Variants in CPM observed in about 807,000 individuals in gnomAD.
CPM encodes the protein carboxypeptidase M.
Under a neutral mutation model 46.4 loss-of-function variants are expected in CPM, and 35 were observed. The observed-to-expected ratio is 0.75, with a 90% CI of 0.58 to 1.00. The LOEUF is 1.00. Among genes scored for constraint, CPM ranks in the 50% least tolerant of loss-of-function variants. The pLI is 0.00. For synonymous variants in CPM, 195 were observed against 195.3 expected (o/e 1.00, Z 0.01); for missense variants, 422 against 530.4 (o/e 0.80, Z 2.01).
In CPM at chr12:68,879,697, C is replaced by T. The variant is rs544291293; in HGVS notation, c.258+6095G>A. Among the ~76,000 whole-genome samples the T allele has an allele frequency of 6.6e-5, 10 of 152,214 alleles. No homozygotes were observed. In the East Asian group the frequency reaches 1.9e-3, roughly 29 times the overall value. On this transcript the variant is annotated intron_variant, in intron 3 of 8. Coordinates refer to ENST00000551568, the MANE Select transcript of CPM (RefSeq NM_198320.5). Reference sequence around the variant, plus strand: ...CCAATTCTTTAAGCACACAGTCATGCCTTGCTTCAATATTTCCATTAGGCA... The same window carrying T: ...CCAATTCTTTAAGCACACAGTCATGTCTTGCTTCAATATTTCCATTAGGCA...
intron 2 of CPM, among the ~76,000 whole-genome samples, chr12:68,888,268 A>T (rs1886518232): frequency 6.6e-6 from 1 of 152,238 alleles, no homozygotes; most frequent in African/African-American, 2.4e-5. Flanking sequence ...CTGACTTGAT[A>T]TGGATATCCA....
chr12:68,842,830 A>T (rs1188175928), intron 5 of CPM: 1 of 201,972 alleles, frequency 5.0e-6, no homozygotes, highest in East Asian at 7.7e-5. Flanking sequence ...ATTTTGGTTT[A>T]TTAGTGTCTT....
chr12:68,956,085 A>C (rs980612695), intron 1 of CPM, among the ~76,000 whole-genome samples: 2 of 152,146 alleles, frequency 1.3e-5, no homozygotes, highest in African/African-American at 4.8e-5. Flanking sequence ...CTGCAGGCCT[A>C]CACTGCTTTC....
intron 2 of CPM, among the ~76,000 whole-genome samples, chr12:68,931,763 A>AAAAAAAAGAAAGAAAG (rs1482981614): frequency 4.5e-5 from 6 of 132,536 alleles, no homozygotes; most frequent in African/African-American, 1.8e-4. Context: ...AAAAAAAAAA[A>AAAAAAAAGAAAGAAAG]AAAGAAAGAA....
intron 3 of CPM, among the ~76,000 whole-genome samples, chr12:68,874,395 C>T (rs966841000): frequency 1.3e-4 from 19 of 151,986 alleles, no homozygotes; most frequent in African/African-American, 4.1e-4. Flanking sequence ...GTGGGTGGAT[C>T]ACCCGAAGTC....
At chr12:68,962,002 C>G (rs1049227155) in intron 1 of CPM, among the ~76,000 whole-genome samples, 2 of 152,008 alleles carry the variant, frequency 1.3e-5, no homozygotes, top group Non-Finnish European at 1.5e-5. Flanking sequence ...AGGTCGAGAC[C>G]ATCCTGGCTA....
intron 2 of CPM, among the ~76,000 whole-genome samples, chr12:68,915,861 T>C (rs911645841): frequency 3.9e-5 from 6 of 152,244 alleles, no homozygotes; most frequent in African/African-American, 9.6e-5. Flanking sequence ...TCTTCATCTG[T>C]AAAATCTATT....
At chr12:68,922,686 T>C (rs991419434) in intron 2 of CPM, among the ~76,000 whole-genome samples, 11 of 151,752 alleles carry the variant, frequency 7.2e-5, no homozygotes, top group African/African-American at 2.7e-4. Context: ...AAGGTATGTA[T>C]GTGAAAGGTC....
chr12:68,886,816 T>C, intron 2 of CPM, among the ~76,000 whole-genome samples: 1 of 152,056 alleles, frequency 6.6e-6, no homozygotes, highest in East Asian at 1.9e-4. Flanking sequence ...AGCGTCTAAG[T>C]CTTAGCTCTG....
chr12:68,932,771 G>A lies in CPM; in HGVS notation c.67C>T (p.His23Tyr). Reference protein sequence around the residue: ...PLVAALDFNYHRQEGMEAFLK... With the variant: ...PLVAALDFNYYRQEGMEAFLK... Reference sequence around the variant, plus strand: ...AACGCTTCCATCCCTTCCTGGCGGTGGTAGTTGAAATCCAGCGCAGCTACC... The same window carrying A: ...AACGCTTCCATCCCTTCCTGGCGGTAGTAGTTGAAATCCAGCGCAGCTACC... The change falls in exon 2 of 9, where the codon CAC becomes TAC. Residue 23 changes from histidine to tyrosine, a missense_variant. Transcript: ENST00000551568. 6.2e-7 allele frequency: 1 copy of A among 1,614,184 alleles called. No individual in the cohort carries two copies. The highest frequency in any genetic ancestry group is 8.5e-7 in the Non-Finnish European group (1 of 1,180,016).
downstream of CPM, chr12:68,848,729 G>C (rs1884497871): frequency 6.6e-6 from 1 of 151,780 alleles, no homozygotes; most frequent in Non-Finnish European, 1.5e-5. Flanking sequence ...GTTTTTTTGG[G>C]GGGGACGAAG....
At chr12:68,930,011 G>T (rs1888435109) in intron 2 of CPM, among the ~76,000 whole-genome samples, 2 of 152,240 alleles carry the variant, frequency 1.3e-5, no homozygotes, top group African/African-American at 4.8e-5. Context: ...TCCCTTCTGG[G>T]TAAGACTGCC....
intron 2 of CPM, among the ~76,000 whole-genome samples, chr12:68,894,420 G>A (rs564512513): frequency 7.2e-5 from 11 of 152,034 alleles, no homozygotes; most frequent in South Asian, 2.1e-4. Context: ...GTCTTCCCTC[G>A]GTGTTCAGGG....
At position 68,885,815 on chromosome 12, in the gene CPM, C is replaced by T. The variant is rs1886403653; in HGVS notation, c.235G>A (p.Val79Met). The change falls in exon 3 of 9, where the codon GTG (valine) becomes ATG (methionine). Residue 79 changes from valine (V) to methionine (M), a missense_variant. Transcript: ENST00000551568. ...ACCTCATCTCCATGCATATTTGCCA[C>T]GTATTTGAACTCTGGAATCCCAATT... ...HRIGIPEFKY[V>M]ANMHGDETVG... is the part of the protein sequence containing the mutation. 15 of 1,614,060 alleles carry T rather than the reference C, an allele frequency of 9.3e-6. No individual in the cohort carries two copies. The South Asian group carries it at 1.1e-4, about 12-fold the overall frequency.
chr12:68,921,955 C>T (rs1347477521), intron 2 of CPM, among the ~76,000 whole-genome samples: 1 of 152,044 alleles, frequency 6.6e-6, no homozygotes, highest in African/African-American at 2.4e-5. Context: ...TTAATAAGCA[C>T]ATAATAACTC....
At position 68,885,903 on chromosome 12, in the gene CPM, G is replaced by C; in HGVS notation, c.161-14C>G. On this transcript the variant is annotated splice_polypyrimidine_tract_variant and intron_variant, in intron 2 of 8. Transcript: ENST00000551568. Reference sequence around the variant, plus strand: ...ACAGGTTTCTACCTTTACAGGAAAAGAAGAAAAGATGGAAAAGTAAGTTGT... The same window carrying C: ...ACAGGTTTCTACCTTTACAGGAAAACAAGAAAAGATGGAAAAGTAAGTTGT... 1 of 1,605,386 alleles carries C rather than the reference G, an allele frequency of 6.2e-7. No homozygotes were observed. Among genetic ancestry groups the C allele is most frequent in the Non-Finnish European group, 8.5e-7 (1 of 1,174,476 alleles).
At chr12:68,858,722 G>A (rs1171341732) in intron 8 of CPM, among the ~76,000 whole-genome samples, 1 of 138,724 alleles carries the variant, frequency 7.2e-6, no homozygotes, top group Non-Finnish European at 1.5e-5. Flanking sequence ...GAAAAAATAT[G>A]AATTTTTGTG....
intron 2 of CPM, among the ~76,000 whole-genome samples, chr12:68,899,180 G>C (rs1887012395): frequency 6.6e-6 from 1 of 152,240 alleles, no homozygotes; most frequent in Non-Finnish European, 1.5e-5. Context: ...TCAGAAAGTG[G>C]AAGGGGCTAT....
At chr12:68,845,217 G>T (rs1366780357) in intron 5 of CPM, 12 of 217,570 alleles carry the variant, frequency 5.5e-5, no homozygotes, top group Non-Finnish European at 9.2e-5. Context: ...AAAAGAAAAA[G>T]TATTTCTTCA....
Sources: gnomAD v4.1 joint callset for allele counts (sites outside exome capture counted in the v4.1 genomes callset) on GRCh38, gnomAD v4.1.1 for gene constraint, MANE v1.5 for transcripts, NCBI Gene and HGNC (gene_info 2026-07-23, HGNC 2026-07-21) for gene names.